The following SYT9 variants were observed in gnomAD, a reference collection of about 807,000 sequenced individuals.
SYT9 encodes the protein synaptotagmin 9, also known as synaptotagmin-9.
SYT9 carries 22 observed loss-of-function variants against 48.4 expected under a neutral mutation model. The observed-to-expected ratio is 0.45, with a 90% CI of 0.32 to 0.65. The LOEUF (loss-of-function observed/expected upper bound fraction) is 0.65, where lower values mean the gene tolerates loss of function less well. SYT9 is among the 30% of genes least tolerant of loss of function. SYT9 has a pLI of 0.03. For missense variants in SYT9, 577 were observed against 622.0 expected (o/e 0.93, Z 0.77); for synonymous variants, 265 against 245.0 (o/e 1.08, Z -0.76).
At chr11:7,462,341 C>T (rs1462982338) in intron 6 of SYT9, among the ~76,000 whole-genome samples, 1 of 151,676 alleles carries the variant, frequency 6.6e-6, no homozygotes, top group Non-Finnish European at 1.5e-5. Flanking sequence ...AGTGCTTAAG[C>T]ACTCAATAAA....
chr11:7,393,811 T>A (rs1469431160), intron 3 of SYT9, among the ~76,000 whole-genome samples: 5 of 152,086 alleles, frequency 3.3e-5, no homozygotes, highest in Non-Finnish European at 7.4e-5. Flanking sequence ...TCTTCCTGAT[T>A]CAGTCTTGGG....
intron 1 of SYT9, among the ~76,000 whole-genome samples, chr11:7,284,866 T>C (rs1467180336): frequency 6.6e-6 from 1 of 152,224 alleles, no homozygotes; most frequent in African/African-American, 2.4e-5. Context: ...ATATTCTTAG[T>C]GTCTTCAAAG....
chr11:7,260,749 A>G (rs1848063392), intron 1 of SYT9, among the ~76,000 whole-genome samples: 1 of 152,208 alleles, frequency 6.6e-6, no homozygotes, highest in Non-Finnish European at 1.5e-5. Flanking sequence ...AAGTTTACCC[A>G]TTTTAGATCC....
At chr11:7,344,668 A>G (rs1849769574) in intron 3 of SYT9, among the ~76,000 whole-genome samples, 2 of 152,158 alleles carry the variant, frequency 1.3e-5, no homozygotes, top group African/African-American at 4.8e-5. Context: ...TGAAAAGTCT[A>G]TATTTTATCC....
intron 3 of SYT9, among the ~76,000 whole-genome samples, chr11:7,404,185 G>A (rs1846958552): frequency 6.6e-6 from 1 of 151,858 alleles, no homozygotes; most frequent in Non-Finnish European, 1.5e-5. Flanking sequence ...ATTTGTATCT[G>A]TACATTTAAG....
intron 3 of SYT9, among the ~76,000 whole-genome samples, chr11:7,378,118 C>CAAAA (rs3086248): frequency 3.8e-4 from 54 of 143,640 alleles, no homozygotes; most frequent in African/African-American, 1.2e-3. Flanking sequence ...TTCAAAGATA[C>CAAAA]AAAAAAAAAA....
chr11:7,302,124 T>C (rs927326857), intron 1 of SYT9, among the ~76,000 whole-genome samples: 1 of 152,202 alleles, frequency 6.6e-6, no homozygotes, highest in Non-Finnish European at 1.5e-5. Context: ...CTTACTTTGT[T>C]CATCTGGGCT....
chr11:7,243,071 T>TAAAGAAATAAATAAATAA (rs1847756243), intron 1 of SYT9, among the ~76,000 whole-genome samples: 1 of 151,000 alleles, frequency 6.6e-6, no homozygotes, highest in Non-Finnish European at 1.5e-5. Flanking sequence ...TAAATAAATA[T>TAAAGAAATAAATAAATAA]AAAGTATTAC....
chr11:7,319,166 C>CT (rs36130335), intron 3 of SYT9, among the ~76,000 whole-genome samples: 51,723 of 127,644 alleles, frequency 0.41, 11,164 homozygotes, highest in East Asian at 0.91. Flanking sequence ...CCTATTTCTT[C>CT]TTTTTTTTTT....
intron 1 of SYT9, among the ~76,000 whole-genome samples, chr11:7,243,322 T>G (rs1480343134): frequency 1.3e-5 from 2 of 152,200 alleles, no homozygotes; most frequent in Non-Finnish European, 1.5e-5. Context: ...AATTGATTGG[T>G]TTTTGATTAA....
intron 6 of SYT9, among the ~76,000 whole-genome samples, chr11:7,432,570 AAAAAAAAAAAAAATATATATAC>A (rs1564901935): frequency 7.0e-3 from 118 of 16,774 alleles, no homozygotes; most frequent in East Asian, 0.011. Context: ...AAAAAAAAAA[AAAAAAAAAAAAAATATATATAC>A]ATATATATAT....
chr11:7,260,582 A>G (rs914809871), intron 1 of SYT9, among the ~76,000 whole-genome samples: 18 of 152,212 alleles, frequency 1.2e-4, no homozygotes, highest in African/African-American at 4.3e-4. Context: ...TACAATTTAT[A>G]TCATAAGCCC....
intron 3 of SYT9, among the ~76,000 whole-genome samples, chr11:7,349,303 A>G (rs1419901247): frequency 6.6e-6 from 1 of 152,048 alleles, no homozygotes; most frequent in Non-Finnish European, 1.5e-5. Flanking sequence ...TGTACTTAAT[A>G]GCCACTGAAC....
chr11:7,371,014 G>T (rs1850351937), intron 3 of SYT9, among the ~76,000 whole-genome samples: 1 of 152,078 alleles, frequency 6.6e-6, no homozygotes, highest in Non-Finnish European at 1.5e-5. Flanking sequence ...CAACATAGTA[G>T]ATTTTACTGT....
chr11:7,421,784 T>C (rs1847359344), intron 6 of SYT9, among the ~76,000 whole-genome samples: 1 of 152,222 alleles, frequency 6.6e-6, no homozygotes, highest in Non-Finnish European at 1.5e-5. Context: ...TCCTTTCCCT[T>C]GTAGAACTTA....
chr11:7,432,474 G>A (rs564118103), intron 6 of SYT9, among the ~76,000 whole-genome samples: 3 of 147,624 alleles, frequency 2.0e-5, no homozygotes, highest in African/African-American at 7.5e-5. Context: ...TTGAACGTGG[G>A]AGGCAGAGGC....
intron 1 of SYT9, among the ~76,000 whole-genome samples, chr11:7,239,383 G>C (rs1029079320): frequency 6.6e-6 from 1 of 152,070 alleles, no homozygotes; most frequent in African/African-American, 2.4e-5. Context: ...TTGTAACAGT[G>C]AGGCACCTTA....
chr11:7,364,680 C>T (rs1850208458), intron 3 of SYT9, among the ~76,000 whole-genome samples: 1 of 152,186 alleles, frequency 6.6e-6, no homozygotes. Context: ...GCTGTCTCTT[C>T]ATTGGCCTTA....
chr11:7,349,363 C>T (rs1849864303), intron 3 of SYT9, among the ~76,000 whole-genome samples: 1 of 116,782 alleles, frequency 8.6e-6, no homozygotes, highest in Non-Finnish European at 1.8e-5. Context: ...GTACATTTTA[C>T]CACAATAAAA....
Sources: allele counts gnomAD v4.1 joint callset (sites outside exome capture counted in the v4.1 genomes callset), GRCh38; gene constraint gnomAD v4.1.1; transcripts MANE v1.5; gene names NCBI Gene and HGNC (gene_info 2026-07-23, HGNC 2026-07-21).